The following TUSC3 variants were observed in gnomAD, a reference collection of about 807,000 sequenced individuals.
TUSC3 encodes tumor suppressor candidate 3.
TUSC3 carries 45 observed loss-of-function variants against 44.8 expected under a neutral mutation model. That is an observed-to-expected ratio of 1.00 (90% confidence interval 0.79 to 1.29). The LOEUF is 1.29. Among genes scored for constraint, TUSC3 ranks in the 50% most tolerant of loss-of-function variants. The probability of loss-of-function intolerance (pLI) is 0.00; values close to 1 mark genes in which losing one functional copy is unlikely to be tolerated. For missense variants in TUSC3, 519 were observed against 437.9 expected, an observed-to-expected ratio of 1.19 and a Z score of -1.65; for synonymous variants, 212 against 152.9, an observed-to-expected ratio of 1.39 and a Z score of -2.85.
chr8:15,707,323 A>G lies in TUSC3; in HGVS notation c.799-23343A>G, dbSNP rs117906733. On this transcript the variant is annotated intron_variant, in intron 6 of 10. Coordinates refer to ENST00000503731, the MANE Select transcript of TUSC3 (RefSeq NM_006765.4). ...TTGTTTCCTGTCCTGAACTTCTGCA[A>G]TAAGCATTGTAATAAGAGTCACATC... Among the ~76,000 whole-genome samples, 888 of 152,120 alleles carry G rather than the reference A, an allele frequency of 5.8e-3. 9 individuals are homozygous for G. The highest frequency in any genetic ancestry group is 0.036 in the East Asian group (185 of 5,164).
Position 15,459,612 on chromosome 8 carries a change from C to T in TUSC3, n.92-23774C>T, listed in dbSNP as rs543662284. Among the ~76,000 whole-genome samples, 19 of 151,920 alleles carry T rather than the reference C, an allele frequency of 1.3e-4. No homozygotes were observed. The South Asian group carries it at 1.7e-3, about 13-fold the overall frequency. ...ACCCTATTTGTAGTCTTTTTTTCCTCGCCACCCTCCCACCCTTCTCTGCGA... is the reference window on the plus strand; with the variant it reads ...ACCCTATTTGTAGTCTTTTTTTCCTTGCCACCCTCCCACCCTTCTCTGCGA... On this transcript the variant is annotated intron_variant and non_coding_transcript_variant, in intron 1 of 5. Coordinates refer to the TUSC3 transcript ENST00000503191.
the TUSC3 span, among the ~76,000 whole-genome samples, chr8:15,817,591 G>T: frequency 6.6e-6 from 1 of 151,652 alleles, no homozygotes; most frequent in Non-Finnish European, 1.5e-5. Context: ...GTTTTATAAG[G>T]TGGTTTCCCC....
chr8:15,720,834 T>C (rs1334597532), intron 6 of TUSC3, among the ~76,000 whole-genome samples: 1 of 152,046 alleles, frequency 6.6e-6, no homozygotes, highest in South Asian at 2.1e-4. Context: ...CACAAATAAA[T>C]ACAAATCCAG....
At chr8:15,434,058 G>GT (rs1453701314) in intron 1 of TUSC3, among the ~76,000 whole-genome samples, 1 of 152,078 alleles carries the variant, frequency 6.6e-6, no homozygotes, top group Non-Finnish European at 1.5e-5. Context: ...TGACCTTTCC[G>GT]TTTTGTAGTC....
intron 1 of TUSC3, among the ~76,000 whole-genome samples, chr8:15,423,513 C>T (rs536008427): frequency 6.6e-6 from 1 of 152,274 alleles, no homozygotes; most frequent in South Asian, 2.1e-4. Context: ...TGTATTCTTT[C>T]GATTTCCGTC....
At position 15,764,691 on chromosome 8, in the gene TUSC3, A is replaced by C. The variant is rs533495949; in HGVS notation, c.*535A>C. 5.0e-5 allele frequency: 8 copies of C among 160,956 alleles called. No homozygotes were observed. The South Asian group carries it at 1.4e-3, about 28-fold the overall frequency. The allele number at this position is 160,956 out of a possible 1,614,324, so 10.0% of individuals were successfully genotyped here. On this transcript the variant is annotated 3_prime_UTR_variant, in exon 11 of 11. Coordinates refer to ENST00000503731, the MANE Select transcript of TUSC3 (RefSeq NM_006765.4). ...CGAATAGTGTTTTGTTATTAATTAT[A>C]ACTAGATAAAGGTATATAGGACAGG...
At chr8:15,574,771 A>T (rs1803025411) in intron 1 of TUSC3, among the ~76,000 whole-genome samples, 1 of 152,182 alleles carries the variant, frequency 6.6e-6, no homozygotes, top group Admixed American at 6.5e-5. Flanking sequence ...ATGAAACATT[A>T]TTTTAAGCTA....
Position 15,743,524 on chromosome 8 carries a change from GACA to G in TUSC3, c.863-11_863-9del, listed in dbSNP as rs1811282128. ...TCACATCTATGTCTACGGCTTCCTT[GACA>G]ACTACTGCAGATGCCGCTATCACCA... On this transcript the variant is annotated splice_polypyrimidine_tract_variant and intron_variant, in intron 7 of 10. Transcript: ENST00000503731. 4 of 1,613,740 alleles carry G rather than the reference GACA, an allele frequency of 2.5e-6. No homozygotes were observed. The highest frequency in any genetic ancestry group is 3.4e-6 in the Non-Finnish European group (4 of 1,179,702).
chr8:15,734,133 A>G (rs186154042), intron 7 of TUSC3, among the ~76,000 whole-genome samples: 147 of 152,304 alleles, frequency 9.7e-4, no homozygotes, highest in Non-Finnish European at 1.5e-3. Context: ...TTTCTTTGTA[A>G]TTTGTGTATT....
chr8:15,684,646 T>C (rs1394231170), intron 6 of TUSC3, among the ~76,000 whole-genome samples: 1 of 152,162 alleles, frequency 6.6e-6, no homozygotes, highest in African/African-American at 2.4e-5. Context: ...TGCCCAGCTC[T>C]GATGTCAGCA....
At chr8:15,694,303 A>G (rs1159879127) in intron 6 of TUSC3, among the ~76,000 whole-genome samples, 1 of 151,936 alleles carries the variant, frequency 6.6e-6, no homozygotes, top group East Asian at 2.0e-4. Context: ...TTAGCCAAGC[A>G]TGGTGGCGTG....
intron 1 of TUSC3, among the ~76,000 whole-genome samples, chr8:15,426,859 A>G (rs1375137451): frequency 1.3e-5 from 2 of 152,214 alleles, no homozygotes; most frequent in South Asian, 2.1e-4. Flanking sequence ...CCAGCATTGT[A>G]CAAGGGTTCC....
intron 2 of TUSC3, among the ~76,000 whole-genome samples, chr8:15,637,362 C>G: frequency 6.6e-6 from 1 of 152,106 alleles, no homozygotes; most frequent in Non-Finnish European, 1.5e-5. Flanking sequence ...TGCGTGGATT[C>G]TGTCTGTTTT....
intron 1 of TUSC3, among the ~76,000 whole-genome samples, chr8:15,422,197 T>C (rs534128901): frequency 4.6e-5 from 7 of 152,368 alleles, no homozygotes; most frequent in African/African-American, 1.4e-4. Flanking sequence ...ATGTACTGAC[T>C]AAATTAATCT....
intron 7 of TUSC3, among the ~76,000 whole-genome samples, chr8:15,743,108 C>G (rs1266897349): frequency 6.6e-6 from 1 of 152,126 alleles, no homozygotes; most frequent in African/African-American, 2.4e-5. Flanking sequence ...AAGATTTCAA[C>G]TAAACAAAAT....
At chr8:15,465,542 T>TA (rs1800403279) in intron 1 of TUSC3, among the ~76,000 whole-genome samples, 1 of 152,204 alleles carries the variant, frequency 6.6e-6, no homozygotes, top group Non-Finnish European at 1.5e-5. Context: ...AAATGCTTTT[T>TA]AAAAATACAC....
chr8:15,651,369 T>A (rs1806896101), intron 3 of TUSC3, among the ~76,000 whole-genome samples: 1 of 152,228 alleles, frequency 6.6e-6, no homozygotes. Context: ...GAGGATTAAA[T>A]ATTTATTGAC....
chr8:15,454,038 A>T (rs1405721030), intron 1 of TUSC3, among the ~76,000 whole-genome samples: 1 of 152,176 alleles, frequency 6.6e-6, no homozygotes, highest in Non-Finnish European at 1.5e-5. Context: ...GAATGCCTCA[A>T]ATTAGCATGT....
intron 1 of TUSC3, among the ~76,000 whole-genome samples, chr8:15,423,219 CATAG>C (rs1799760386): frequency 6.6e-6 from 1 of 152,172 alleles, no homozygotes. Context: ...TACAGACACA[CATAG>C]ATCCATATGC....
Sources: gnomAD v4.1 joint callset for allele counts (sites outside exome capture counted in the v4.1 genomes callset) on GRCh38, gnomAD v4.1.1 for gene constraint, MANE v1.5 for transcripts, NCBI Gene and HGNC (gene_info 2026-07-23, HGNC 2026-07-21) for gene names.